ZMYM1: variants seen among roughly 807,000 people sequenced by gnomAD.
ZMYM1 encodes zinc finger MYM-type protein 1.
Under a neutral mutation model 60.0 loss-of-function variants are expected in ZMYM1, and 39 were observed. The observed-to-expected ratio is 0.65, with a 90% CI of 0.50 to 0.85. The LOEUF (loss-of-function observed/expected upper bound fraction) is 0.85, where lower values mean the gene tolerates loss of function less well. ZMYM1 is among the 40% of genes least tolerant of loss of function. ZMYM1 has a pLI of 0.00. For missense variants in ZMYM1, 1,171 were observed against 1,309.5 expected, an observed-to-expected ratio of 0.89 and a Z score of 1.63; for synonymous variants, 413 against 454.0, an observed-to-expected ratio of 0.91 and a Z score of 1.15.
intron 7 of ZMYM1, 47 bp from the exon 8 acceptor site, chr1:35,111,725 A>T (rs749284928): frequency 6.6e-7 from 1 of 1,513,442 alleles, no homozygotes; most frequent in South Asian, 1.4e-5. Context: ...GTACTTTCTG[A>T]TGATTGATTT....
chr1:35,117,412 C>G (rs143510504), downstream of ZMYM1, among the ~76,000 whole-genome samples: 1 of 151,942 alleles, frequency 6.6e-6, no homozygotes, highest in Non-Finnish European at 1.5e-5. Context: ...CTCCACCTCG[C>G]GGGTTCAAGT....
chr1:35,107,470 GAAAA>G (rs1324993843), intron 6 of ZMYM1, among the ~76,000 whole-genome samples: 1 of 129,058 alleles, frequency 7.7e-6, no homozygotes, highest in East Asian at 2.3e-4. Context: ...CTCTGTCTCA[GAAAA>G]AAAAAAAAAA....
At chr1:35,077,580 C>T (rs1476962993), upstream of ZMYM1, among the ~76,000 whole-genome samples, 4 of 152,160 alleles carry the variant, frequency 2.6e-5, no homozygotes, top group Non-Finnish European at 2.9e-5. Flanking sequence ...TTTGCAGACC[C>T]TGCACTTGAT....
At chr1:35,112,208 C>G in intron 9 of ZMYM1, 78 bp downstream of exon 9, 1 of 1,453,866 alleles carries the variant, frequency 6.9e-7, no homozygotes, top group Non-Finnish European at 9.6e-7. Flanking sequence ...GACAGAGTCT[C>G]GCTCTGCCAC....
chr1:35,085,711 G>C (rs1642618168), intron 1 of ZMYM1, among the ~76,000 whole-genome samples: 1 of 152,118 alleles, frequency 6.6e-6, no homozygotes, highest in African/African-American at 2.4e-5. Flanking sequence ...CTTGCCTTTG[G>C]TGTGGCACAT....
chr1:35,112,826 TAAGTTATACGTA>T, intron 9 of ZMYM1, 139 bp from the exon 10 acceptor site: 1 of 597,192 alleles, frequency 1.7e-6, no homozygotes, highest in African/African-American at 1.9e-5. Context: ...TGCAAATAAA[TAAGTTATACGTA>T]ATTGTTAACG....
upstream of ZMYM1, among the ~76,000 whole-genome samples, chr1:35,077,739 G>GCTTC (rs571005770): frequency 7.3e-4 from 111 of 152,226 alleles, no homozygotes; most frequent in Non-Finnish European, 1.4e-3. Flanking sequence ...TGGCTCACTG[G>GCTTC]CTTCCCCCCA....
chr1:35,111,880 C>A lies in ZMYM1; in HGVS notation c.1070C>A (p.Ala357Asp). The A allele has an allele frequency of 6.3e-7, 1 of 1,599,474 alleles. No individual in the cohort carries two copies. Among genetic ancestry groups the A allele is most frequent in the Admixed American group, 1.7e-5 (1 of 58,460 alleles). Residue 357 changes from alanine to aspartate, a missense_variant, in exon 8 of 10, where the codon GCC becomes GAC. Coordinates refer to ENST00000359858, the MANE Select transcript of ZMYM1 (RefSeq NM_024772.5). ...GTGTCATTGGCAGACACCGATGTTG[C>A]CTTGCCCATCATGAACACTGATGTC... ...NIVSLADTDV[A>D]LPIMNTDVLQ...
upstream of ZMYM1, among the ~76,000 whole-genome samples, chr1:35,076,671 G>T (rs1323577957): frequency 6.7e-6 from 1 of 148,690 alleles, no homozygotes; most frequent in Non-Finnish European, 1.5e-5. Flanking sequence ...GTTGACTCAC[G>T]CCTGTAATCA....
intron 1 of ZMYM1, among the ~76,000 whole-genome samples, chr1:35,087,921 C>T (rs2148500792): frequency 6.6e-6 from 1 of 152,066 alleles, no homozygotes; most frequent in East Asian, 2.0e-4. Flanking sequence ...CTTAGCCAGG[C>T]ATGCTGGCTG....
rs766876237 is a variant in ZMYM1 at position 35,104,593 on chromosome 1, A to G, written c.631A>G (p.Asn211Asp). 2.5e-6 allele frequency: 4 copies of G among 1,614,186 alleles called. No homozygotes were observed. Residue 211 changes from asparagine (N) to aspartate (D), a missense_variant, in exon 6 of 10, where the codon AAT (asparagine) becomes GAT (aspartate). Coordinates refer to ENST00000359858, the MANE Select transcript of ZMYM1 (RefSeq NM_024772.5). ...AGTAAAATACCAAAATGTGAAACAT[A>G]ATCTTTGCAGTAATGCCTGCCTTTC... is the stretch of plus-strand genomic sequence containing the variant. Reference protein sequence around the residue: ...YEVKYQNVKHNLCSNACLSKF... With the variant: ...YEVKYQNVKHDLCSNACLSKF...
At chr1:35,060,787 A>T (rs1205728880) in intron 1 of ZMYM1, among the ~76,000 whole-genome samples, 2 of 152,210 alleles carry the variant, frequency 1.3e-5, no homozygotes, top group African/African-American at 4.8e-5. Context: ...GAAGTCAGCC[A>T]ACCAGCCAGC....
In ZMYM1 at chr1:35,114,577, CAG is replaced by C; in HGVS notation, c.2750_2751del (p.Glu917GlyfsTer9). The C allele has an allele frequency of 6.2e-7, 1 of 1,610,100 alleles. No individual in the cohort carries two copies. The highest frequency in any genetic ancestry group is 2.2e-5 in the East Asian group (1 of 44,792). The stretch of plus-strand genomic sequence containing the variant: ...TACTTTAAAACAATCTGGGATGGAA[CAG>C]AGGAAATATGTCAAAAAATAACCTG... On this transcript the variant is annotated frameshift_variant, in exon 10 of 10. Transcript: ENST00000359858. LOFTEE classifies it low-confidence loss of function (END_TRUNC).
chr1:35,092,943 A>G (rs550977879), intron 1 of ZMYM1, among the ~76,000 whole-genome samples: 1 of 152,218 alleles, frequency 6.6e-6, no homozygotes, highest in Admixed American at 6.5e-5. Context: ...TATTTTTTTA[A>G]AGCCAGGAGT....
Position 35,115,020 on chromosome 1 carries a change from C to A in ZMYM1, c.3190C>A (p.Pro1064Thr). 1 of 1,614,018 alleles carries A rather than the reference C, an allele frequency of 6.2e-7. No homozygotes were observed. The highest frequency in any genetic ancestry group is 1.1e-5 in the South Asian group (1 of 91,060). Residue 1064 changes from proline to threonine, a missense_variant, in exon 10 of 10, where the codon CCT (proline) becomes ACT (threonine). Pro to Thr is a conservative substitution (Grantham distance 38). Transcript: ENST00000359858. ...FIQHGLHSNIPCLSKLLYIAL... is the reference protein window; with the variant it reads ...FIQHGLHSNITCLSKLLYIAL... ...TCAGCATGGTCTTCACAGTAATATT[C>A]CTTGTCTCTCAAAGCTATTATATAT... is the stretch of plus-strand genomic sequence containing the variant.
At chr1:35,101,385 G>A (rs1643648352) in intron 4 of ZMYM1, among the ~76,000 whole-genome samples, 1 of 150,278 alleles carries the variant, frequency 6.7e-6, no homozygotes, top group South Asian at 2.1e-4. Flanking sequence ...ACACATGTGA[G>A]CCACCGTGCC....
intron 1 of ZMYM1, among the ~76,000 whole-genome samples, chr1:35,090,667 CTG>C (rs1243450419): frequency 6.6e-6 from 1 of 152,196 alleles, no homozygotes; most frequent in Non-Finnish European, 1.5e-5. Context: ...ACTTATTTGA[CTG>C]GGTGTGGTGG....
rs1466646445 is a variant in ZMYM1 at position 35,104,436 on chromosome 1, G to C, written c.561G>C (p.Leu187Phe). The C allele has an allele frequency of 3.1e-6, 5 of 1,611,156 alleles. No homozygotes were observed. The highest frequency in any genetic ancestry group is 4.2e-6 in the Non-Finnish European group (5 of 1,178,520). ...TTACCATATGTACTAATAGCATTTTGACCAAGTGCAGCATGTGCCAGAAGA... is the reference window on the plus strand; with the variant it reads ...TTACCATATGTACTAATAGCATTTTCACCAAGTGCAGCATGTGCCAGAAGA... ...PFVTICTNSI[L>F]TKCSMCQKTA... Residue 187 changes from leucine to phenylalanine, a missense_variant, in exon 5 of 10, where the codon TTG becomes TTC. Transcript: ENST00000359858.
chr1:35,105,510 T>A (rs527509985), intron 6 of ZMYM1, among the ~76,000 whole-genome samples: 1 of 152,198 alleles, frequency 6.6e-6, no homozygotes, highest in Non-Finnish European at 1.5e-5. Context: ...CTTGGCTCAC[T>A]GCAACCTCCG....
Sources: allele counts gnomAD v4.1 joint callset (sites outside exome capture counted in the v4.1 genomes callset), GRCh38; gene constraint gnomAD v4.1.1; transcripts MANE v1.5; gene names NCBI Gene and HGNC (gene_info 2026-07-23, HGNC 2026-07-21).